Variants in ZSCAN5A observed in about 807,000 individuals in gnomAD.
The protein encoded by ZSCAN5A is zinc finger and SCAN domain-containing protein 5A.
In ZSCAN5A, 12 loss-of-function variants were observed where a neutral mutation model predicts 23.7. The ratio of observed to expected loss-of-function variants is 0.51; its 90% CI spans 0.32 to 0.82. The LOEUF (loss-of-function observed/expected upper bound fraction) is 0.82. Among genes scored for constraint, ZSCAN5A ranks in the 40% least tolerant of loss-of-function variants. The pLI is 0.03. For missense variants in ZSCAN5A, 597 were observed against 617.9 expected (o/e 0.97, Z 0.36); for synonymous variants, 257 against 239.9 (o/e 1.07, Z -0.66).
chr19:56,361,096 C>A (rs1480459787), intron 2 of ZSCAN5A, among the ~76,000 whole-genome samples: 2 of 152,168 alleles, frequency 1.3e-5, no homozygotes, highest in Non-Finnish European at 2.9e-5. Flanking sequence ...CTGAATATCA[C>A]TGATCACTGG....
intron 2 of ZSCAN5A, among the ~76,000 whole-genome samples, chr19:56,358,020 G>T (rs554268740): frequency 6.7e-6 from 1 of 148,926 alleles, no homozygotes; most frequent in East Asian, 1.9e-4. Flanking sequence ...ACAAAGAAGG[G>T]CATTAGGTAA....
intron 2 of ZSCAN5A, among the ~76,000 whole-genome samples, chr19:56,334,108 C>T (rs2041513851): frequency 6.6e-6 from 1 of 152,142 alleles, no homozygotes; most frequent in African/African-American, 2.4e-5. Flanking sequence ...TGGGCAGGCC[C>T]ATGTACAGGC....
intron 2 of ZSCAN5A, chr19:56,298,138 C>T (rs972649927): frequency 1.3e-5 from 2 of 150,954 alleles, no homozygotes; most frequent in Admixed American, 6.6e-5. Context: ...AAATTTAATC[C>T]TCTAGCATTA....
At chr19:56,279,070 T>C (rs1451307255) in intron 2 of ZSCAN5A, among the ~76,000 whole-genome samples, 1 of 152,182 alleles carries the variant, frequency 6.6e-6, no homozygotes, top group Non-Finnish European at 1.5e-5. Flanking sequence ...AGGCTTCCCT[T>C]TCAGCAGAAG....
rs368749222 is a variant in ZSCAN5A, at chr19:56,221,988, C to G, written c.1078G>C (p.Val360Leu). Reference protein sequence around the residue: ...AKALPPFACDVCEKRFTCNSK... With the variant: ...AKALPPFACDLCEKRFTCNSK... ...TTACACGTAAACCTCTTCTCGCACA[C>G]GTCACATGCAAAGGGCGGCAGTGCC... The change falls in exon 6 of 6, where the codon GTG becomes CTG. Residue 360 changes from valine to leucine, a missense_variant. This residue lies in a region of ZSCAN5A where 406 missense variants were observed against 353.2 expected (regional missense o/e 1.15). Coordinates refer to ENST00000683990, the MANE Select transcript of ZSCAN5A (RefSeq NM_001322064.3). 1.9e-6 allele frequency: 3 copies of G among 1,614,208 alleles called. No individual in the cohort carries two copies. The highest frequency in any genetic ancestry group is 2.5e-6 in the Non-Finnish European group (3 of 1,180,050).
rs571252115 is a variant in ZSCAN5A, at chr19:56,320,646, G to A, written c.-357-4378C>T. On this transcript the variant is annotated intron_variant, in intron 2 of 6. Transcript: ENST00000587340. ...TAATAATAATAATAATAAGCCAGGC[G>A]AGTACAACGTGAAATCATATCCACG... The A allele has an allele frequency of 1.7e-5, 13 of 750,658 alleles. No homozygotes were observed. The East Asian group carries it at 2.8e-4, about 16-fold the overall frequency. 46.5% of individuals were successfully genotyped at this position (750,658 alleles called of 1,614,324 possible). A position where few individuals can be genotyped will look rare whatever the true frequency, so the allele number is the denominator to read the frequency against.
chr19:56,284,086 T>G, intron 2 of ZSCAN5A: 7 of 802,208 alleles, frequency 8.7e-6, no homozygotes, highest in African/African-American at 1.8e-5. Context: ...TCTGACCTCG[T>G]TTTTGGTTTT....
chr19:56,276,119 G>A (rs991901129), intron 2 of ZSCAN5A, among the ~76,000 whole-genome samples: 2 of 152,166 alleles, frequency 1.3e-5, no homozygotes, highest in African/African-American at 4.8e-5. Context: ...AGTAAGAACC[G>A]TGGAACCCCC....
rs528291954 is a variant in ZSCAN5A, at chr19:56,339,240, G to A, written c.-357-22972C>T. On this transcript the variant is annotated intron_variant, in intron 2 of 6. Coordinates refer to the ZSCAN5A transcript ENST00000587340. ...AATATGCAAAGGAGCAGTTGTAGCC[G>A]TATTTAGCAATATGCAAAGGAGCAG... 8.5e-4 allele frequency among the ~76,000 whole-genome samples: 129 copies of A among 152,252 alleles called. 1 individual carries two copies. Among genetic ancestry groups the A allele is most frequent in the African/African-American group, 2.3e-3 (96 of 41,490 alleles).
At chr19:56,226,214 C>CCA (rs2146428292) in intron 2 of ZSCAN5A, among the ~76,000 whole-genome samples, 1 of 152,156 alleles carries the variant, frequency 6.6e-6, no homozygotes, top group Non-Finnish European at 1.5e-5. Context: ...GGCGAGTGCC[C>CCA]CACACTTCCT....
chr19:56,352,088 G>A lies in ZSCAN5A; in HGVS notation c.-358+11147C>T, dbSNP rs1568764450. Among the ~76,000 whole-genome samples the A allele has an allele frequency of 6.6e-6, 1 of 151,788 alleles. No homozygotes were observed. The highest frequency in any genetic ancestry group is 1.5e-5 in the Non-Finnish European group (1 of 67,972). On this transcript the variant is annotated intron_variant, in intron 2 of 6. Coordinates refer to the ZSCAN5A transcript ENST00000587340. The surrounding 1 kb of genome is among the most constrained non-coding windows in gnomAD (Gnocchi z 4.2). The stretch of plus-strand genomic sequence containing the variant: ...TGGGTATGCTTTGGTGGATAGTGTG[G>A]GGTTTTTTTGTTTGTTTGTTTCTTT...
Position 56,246,966 on chromosome 19 carries a change from A to G in ZSCAN5A, c.-127-21793T>C, listed in dbSNP as rs773121969. On this transcript the variant is annotated intron_variant, in intron 2 of 5. Transcript: ENST00000683990. ...CACCTGTGGGCAACAGCGAATCCCC[A>G]GGAAAACCTGAGATAAATTCAGTTT... is the stretch of plus-strand genomic sequence containing the variant. The G allele has an allele frequency of 2.0e-5, 29 of 1,474,730 alleles. 1 individual carries two copies. Among genetic ancestry groups the G allele is most frequent in the African/African-American group, 1.8e-4 (13 of 71,946 alleles). 91.4% of individuals were successfully genotyped at this position (1,474,730 alleles called of 1,614,324 possible). A position where few individuals can be genotyped will look rare whatever the true frequency, so the allele number is the denominator to read the frequency against.
chr19:56,277,275 G>A (rs1306786009), intron 2 of ZSCAN5A, among the ~76,000 whole-genome samples: 1 of 152,160 alleles, frequency 6.6e-6, no homozygotes, highest in Non-Finnish European at 1.5e-5. Flanking sequence ...AGCAAGTGAA[G>A]GTAATCCTAG....
At chr19:56,318,504 T>C (rs916592539), upstream of ZSCAN5A, among the ~76,000 whole-genome samples, 2 of 152,166 alleles carry the variant, frequency 1.3e-5, no homozygotes, top group Non-Finnish European at 2.9e-5. Context: ...GCAGTGTGTG[T>C]AGTCACTCTA....
chr19:56,252,464 T>C lies in ZSCAN5A; in HGVS notation c.-127-27291A>G, dbSNP rs115477600. ...GATTTCTGAAGAGAGCAGAGTGGGC[T>C]TTCCCAAGCTGGTCTGAATGTGGCT... is the stretch of plus-strand genomic sequence containing the variant. On this transcript the variant is annotated intron_variant, in intron 2 of 5. Transcript: ENST00000683990. Among the ~76,000 whole-genome samples, 588 of 152,278 alleles carry C rather than the reference T, an allele frequency of 3.9e-3. 5 individuals are homozygous for C. The highest frequency in any genetic ancestry group is 0.012 in the African/African-American group (512 of 41,548).
chr19:56,297,610 A>G, intron 2 of ZSCAN5A: 2 of 848,890 alleles, frequency 2.4e-6, no homozygotes, highest in Non-Finnish European at 2.8e-6. Context: ...AAGCCTTAGA[A>G]GAGAAGATTT....
At chr19:56,335,095 G>A (rs899714452) in intron 2 of ZSCAN5A, among the ~76,000 whole-genome samples, 1 of 152,138 alleles carries the variant, frequency 6.6e-6, no homozygotes, top group African/African-American at 2.4e-5. Context: ...GTGTAGAGAA[G>A]AATGTAACCA....
At chr19:56,357,139 G>GTGTCTGTTTTTGTC (rs1183905770) in intron 2 of ZSCAN5A, among the ~76,000 whole-genome samples, 1 of 148,612 alleles carries the variant, frequency 6.7e-6, no homozygotes. Flanking sequence ...TGTCTGTGAC[G>GTGTCTGTTTTTGTC]TGTCTGTTTT....
rs980054517 is a variant in ZSCAN5A, at chr19:56,300,544, C to T, written c.-128+12739G>A. 3.3e-5 allele frequency among the ~76,000 whole-genome samples: 5 copies of T among 152,330 alleles called. No homozygotes were observed. The South Asian group carries it at 1.0e-3, about 32-fold the overall frequency. On this transcript the variant is annotated intron_variant, in intron 2 of 5. Transcript: ENST00000683990. ...GAAGATGTTTCGAGGTCCTTGAAAA[C>T]ACCCTCCTGGGTCATAATGCTGGCC...
Sources: allele counts gnomAD v4.1 joint callset (sites outside exome capture counted in the v4.1 genomes callset), GRCh38; gene constraint gnomAD v4.1.1; regional missense constraint gnomAD v4.1.1; non-coding constraint Gnocchi (gnomAD v3.1); transcripts MANE v1.5; gene names NCBI Gene and HGNC (gene_info 2026-07-23, HGNC 2026-07-21).